Variants in NBEAL2 observed in about 807,000 individuals in gnomAD.
NBEAL2 encodes the protein neurobeachin-like protein 2.
NBEAL2 carries 160 observed loss-of-function variants against 299.8 expected under a neutral mutation model. The observed-to-expected ratio is 0.53, with a 90% CI of 0.47 to 0.61. The LOEUF (loss-of-function observed/expected upper bound fraction) is 0.61. NBEAL2 is among the 20% of genes least tolerant of loss of function. The probability of loss-of-function intolerance (pLI) is 0.00; values close to 1 mark genes in which losing one functional copy is unlikely to be tolerated. For missense variants in NBEAL2, 3,112 were observed against 3,649.0 expected, an observed-to-expected ratio of 0.85 and a Z score of 3.79; for synonymous variants, 1,493 against 1,542.3, an observed-to-expected ratio of 0.97 and a Z score of 0.75.
rs777984719 is a variant in NBEAL2 at position 47,003,799 on chromosome 3, G to A, written c.5721-17G>A. ...GGTCCCAGAGCCTACAGCGTGAGGT[G>A]GGTTGCTGGTCTTTAGGATGGAGGC... On this transcript the variant is annotated splice_polypyrimidine_tract_variant and intron_variant, in intron 35 of 53. Transcript: ENST00000450053. This position sits in a 1 kb window ranked among gnomAD's most constrained non-coding sequence, Gnocchi z 7.0. The A allele has an allele frequency of 3.2e-6, 5 of 1,581,104 alleles. No homozygotes were observed. In the Admixed American group the frequency reaches 7.3e-5, roughly 23 times the overall value.
Position 46,989,440 on chromosome 3 carries a change from T to A in NBEAL2, c.473+59T>A. 1 of 1,564,276 alleles carries A rather than the reference T, an allele frequency of 6.4e-7. No individual in the cohort carries two copies. The highest frequency in any genetic ancestry group is 8.7e-7 in the Non-Finnish European group (1 of 1,154,600). On this transcript the variant is annotated intron_variant, in intron 5 of 53. Coordinates refer to ENST00000450053, the MANE Select transcript of NBEAL2 (RefSeq NM_015175.3). The surrounding 1 kb of genome is among the most constrained non-coding windows in gnomAD (Gnocchi z 5.5). ...GAGGGTGGGGAGAGGATGGCCGCGC[T>A]GGGCCCAAGGAGGGGTGACGGCCAG...
chr3:46,995,524 C>A lies in NBEAL2; in HGVS notation c.1789C>A (p.Arg597=), dbSNP rs1172581672. 1 of 1,612,860 alleles carries A rather than the reference C, an allele frequency of 6.2e-7. No homozygotes were observed. Among genetic ancestry groups the A allele is most frequent in the East Asian group, 2.2e-5 (1 of 44,888 alleles). Residue 597 remains arginine (R), a synonymous_variant, in exon 13 of 54, where the codon CGA becomes AGA. Coordinates refer to ENST00000450053, the MANE Select transcript of NBEAL2 (RefSeq NM_015175.3). ...MAGIMVPPVQ[R]WPGPGFTFHA... ...GGGCATCATGGTACCCCCTGTACAG[C>A]GATGGCCAGGGCCTGGCTTCACCTT... is the stretch of plus-strand genomic sequence containing the variant.
intron 51 of NBEAL2, 31 bp downstream of exon 51, chr3:47,008,472 A>C: frequency 6.2e-7 from 1 of 1,609,772 alleles, no homozygotes; most frequent in South Asian, 1.1e-5. Flanking sequence ...GCAAAGATGG[A>C]GGGGCAGTTG....
Position 46,993,927 on chromosome 3 carries a change from C to A in NBEAL2, c.1114-10C>A, listed in dbSNP as rs763722344. The A allele has an allele frequency of 1.2e-6, 2 of 1,606,740 alleles. No homozygotes were observed. The highest frequency in any genetic ancestry group is 2.2e-5 in the East Asian group (1 of 44,518). ...CCCTGCCTCTCCTGATGGCCCCTCC[C>A]CACCCCAAGGTCCTGGACCAAGACA... On this transcript the variant is annotated splice_polypyrimidine_tract_variant and intron_variant, in intron 10 of 53. Transcript: ENST00000450053.
intron 49 of NBEAL2, 36 bp from the exon 50 acceptor site, chr3:47,008,034 A>G: frequency 6.2e-7 from 1 of 1,606,374 alleles, no homozygotes; most frequent in East Asian, 2.2e-5. Context: ...CCTGAGCCTC[A>G]GGGGACAGTC....
rs1328805251 is a variant in NBEAL2 at position 46,983,868 on chromosome 3, A to G, written c.51+3956A>G. Among the ~76,000 whole-genome samples, 8 of 152,196 alleles carry G rather than the reference A, an allele frequency of 5.3e-5. No individual in the cohort carries two copies. The South Asian group carries it at 1.0e-3, about 20-fold the overall frequency. On this transcript the variant is annotated intron_variant, in intron 1 of 53. Transcript: ENST00000450053. Reference sequence around the variant, plus strand: ...AACAGGGTCAGTTACCATGGGGTCTATGGGGACCCTAGAAGGAAATTCCCA... The same window carrying G: ...AACAGGGTCAGTTACCATGGGGTCTGTGGGGACCCTAGAAGGAAATTCCCA...
chr3:47,008,676 C>G lies in NBEAL2; in HGVS notation c.8027+8C>G. 6.2e-7 allele frequency: 1 copy of G among 1,612,992 alleles called. No homozygotes were observed. The highest frequency in any genetic ancestry group is 1.1e-5 in the South Asian group (1 of 91,072). On this transcript the variant is annotated splice_region_variant and intron_variant, in intron 52 of 53. Transcript: ENST00000450053. ...CATCCTCCAACTAAACACGTAAGCCCCCCATTTATGGGTTCATGGCCCCTG... is the reference window on the plus strand; with the variant it reads ...CATCCTCCAACTAAACACGTAAGCCGCCCATTTATGGGTTCATGGCCCCTG...
chr3:46,985,380 C>T (rs2035611486), intron 1 of NBEAL2, among the ~76,000 whole-genome samples: 1 of 152,162 alleles, frequency 6.6e-6, no homozygotes, highest in African/African-American at 2.4e-5. Context: ...TCAGGCAGCT[C>T]AATGATCCCT....
Position 47,000,541 on chromosome 3 carries a change from G to A in NBEAL2, c.4305+137G>A. On this transcript the variant is annotated intron_variant, in intron 27 of 53. Transcript: ENST00000450053. This position sits in a 1 kb window ranked among gnomAD's most constrained non-coding sequence, Gnocchi z 4.5. ...GCAGCCACTGGTCAGGCCTATTGCT[G>A]TCCCCTCATAGCTCTCATCTGCAGT... 7 of 1,132,502 alleles carry A rather than the reference G, an allele frequency of 6.2e-6. No individual in the cohort carries two copies. Among genetic ancestry groups the A allele is most frequent in the Non-Finnish European group, 8.7e-6 (7 of 806,340 alleles). The allele number at this position is 1,132,502 out of a possible 1,614,324, so 70.2% of individuals were successfully genotyped here.
intron 1 of NBEAL2, among the ~76,000 whole-genome samples, chr3:46,984,814 A>G (rs1243125979): frequency 6.6e-6 from 1 of 152,000 alleles, no homozygotes; most frequent in African/African-American, 2.4e-5. Flanking sequence ...TGTCACTCAC[A>G]GAGGGGGCTG....
rs779616822 is a variant in NBEAL2, at chr3:46,997,265, G to A, written c.2656G>A (p.Val886Met). 4 of 1,612,570 alleles carry A rather than the reference G, an allele frequency of 2.5e-6. No homozygotes were observed. Among genetic ancestry groups the A allele is most frequent in the African/African-American group, 2.7e-5 (2 of 74,916 alleles). The change falls in exon 19 of 54, where the codon GTG becomes ATG. Residue 886 changes from valine to methionine, a missense_variant. Val to Met is a conservative substitution (Grantham distance 21, BLOSUM62 1). This residue lies in a region of NBEAL2 where 2,243 missense variants were observed against 2,538.1 expected (regional missense o/e 0.88). Transcript: ENST00000450053. ...GCCATCCTCCTTCCCCCAGGATGTGGTGAACTGCGTTGGGGGTATGGGTGC... is the reference window on the plus strand; with the variant it reads ...GCCATCCTCCTTCCCCCAGGATGTGATGAACTGCGTTGGGGGTATGGGTGC... The part of the protein sequence containing the change: ...RVETWDVKDV[V>M]NCVGGMGALL...
rs377051387 is a variant in NBEAL2 at position 47,005,086 on chromosome 3, G to A, written c.6409G>A (p.Val2137Met). ...GGTGAACCCCAAGCATGCCCAGCTC[G>A]TGAGGGAGAAGTGAGCATGTGGGCA... is the stretch of plus-strand genomic sequence containing the variant. ...GVVNPKHAQL[V>M]REKYESFEDP... is the part of the protein sequence containing the mutation. The change falls in exon 39 of 54, where the codon GTG (valine) becomes ATG (methionine). Residue 2137 changes from valine (V) to methionine (M), a missense_variant. Physicochemically the swap from Val to Met is conservative, Grantham distance 21 (BLOSUM62 1). This residue lies in a region of NBEAL2 where 521 missense variants were observed against 729.6 expected (regional missense o/e 0.71). Coordinates refer to ENST00000450053, the MANE Select transcript of NBEAL2 (RefSeq NM_015175.3). 2.5e-5 allele frequency: 40 copies of A among 1,613,680 alleles called. No homozygotes were observed. Among genetic ancestry groups the A allele is most frequent in the East Asian group, 4.5e-5 (2 of 44,882 alleles).
rs1234204218 is a variant in NBEAL2 at position 47,004,794 on chromosome 3, C to T, written c.6295-178C>T. ...TTCCCCTCCCTGCCTAGCCTCTATT[C>T]CTCAAAAGGAATCCTGTTCCAGGAC... is the stretch of plus-strand genomic sequence containing the variant. On this transcript the variant is annotated intron_variant, in intron 38 of 53. Transcript: ENST00000450053. The surrounding 1 kb of genome is among the most constrained non-coding windows in gnomAD (Gnocchi z 5.0). 2.7e-6 allele frequency: 3 copies of T among 1,119,626 alleles called. No individual in the cohort carries two copies. The highest frequency in any genetic ancestry group is 3.8e-6 in the Non-Finnish European group (3 of 782,802). 69.4% of individuals were successfully genotyped at this position (1,119,626 alleles called of 1,614,324 possible).
chr3:46,987,379 C>G (rs1160030610), intron 1 of NBEAL2, among the ~76,000 whole-genome samples: 1 of 152,218 alleles, frequency 6.6e-6, no homozygotes, highest in Non-Finnish European at 1.5e-5. Flanking sequence ...CTCTCTGACT[C>G]TAGGAAAGAA....
At position 47,006,029 on chromosome 3, in the gene NBEAL2, G is replaced by A. The variant is rs1462319593; in HGVS notation, c.6885G>A (p.Glu2295=). 2 of 1,613,690 alleles carry A rather than the reference G, an allele frequency of 1.2e-6. No homozygotes were observed. The highest frequency in any genetic ancestry group is 2.7e-5 in the African/African-American group (2 of 74,940). ...AGCAGCGGGGGCCAGCCGCCGAGGA[G>A]GCCCTCAATGTCTTCTATTACTGCA... ...GYKQRGPAAE[E]ALNVFYYCTY... The change falls in exon 43 of 54, where the codon GAG becomes GAA. Residue 2295 remains glutamate, a synonymous_variant. Transcript: ENST00000450053.
At chr3:46,992,365 C>T (rs576747168) in intron 9 of NBEAL2, 110 bp from the exon 10 acceptor site, 12 of 1,022,378 alleles carry the variant, frequency 1.2e-5, no homozygotes, top group African/African-American at 3.2e-5. Flanking sequence ...TCCCTAGTGC[C>T]GGGCAGGGCA....
Position 47,000,646 on chromosome 3 carries a change from C to G in NBEAL2, c.4305+242C>G, listed in dbSNP as rs1410127965. Among the ~76,000 whole-genome samples the G allele has an allele frequency of 6.6e-6, 1 of 152,136 alleles. No individual in the cohort carries two copies. Among genetic ancestry groups the G allele is most frequent in the Non-Finnish European group, 1.5e-5 (1 of 68,018 alleles). On this transcript the variant is annotated intron_variant, in intron 27 of 53. Transcript: ENST00000450053. The surrounding 1 kb of genome is among the most constrained non-coding windows in gnomAD (Gnocchi z 4.5). ...GACACCAGCCAGGCTTCAGAAGGGCCCTCAAGAGAGCCTGTAGGGCAGACA... is the reference window on the plus strand; with the variant it reads ...GACACCAGCCAGGCTTCAGAAGGGCGCTCAAGAGAGCCTGTAGGGCAGACA...
chr3:46,989,265 A>G lies in NBEAL2; in HGVS notation c.357A>G (p.Lys119=), dbSNP rs968057456. The G allele has an allele frequency of 3.3e-5, 54 of 1,611,994 alleles. No individual in the cohort carries two copies. The highest frequency in any genetic ancestry group is 4.5e-5 in the Non-Finnish European group (53 of 1,179,044). The change falls in exon 5 of 54, where the codon AAA becomes AAG. Residue 119 remains lysine (K), a synonymous_variant. Coordinates refer to ENST00000450053, the MANE Select transcript of NBEAL2 (RefSeq NM_015175.3). The surrounding 1 kb of genome is among the most constrained non-coding windows in gnomAD (Gnocchi z 5.5). ...CTCTCTCCCCACACCTACAGCTGAA[A>G]GGATGCCCACCACCCCAGGGCCGAG... is the stretch of plus-strand genomic sequence containing the variant. ...ALLTKLVAEL[K]GCPPPQGRGT...
intron 11 of NBEAL2, among the ~76,000 whole-genome samples, chr3:46,994,235 G>A (rs2036308333): frequency 6.6e-6 from 1 of 152,144 alleles, no homozygotes; most frequent in South Asian, 2.1e-4. Context: ...GCTGGATGGG[G>A]AATGGACACT....
Sources: gnomAD v4.1 joint callset for allele counts (sites outside exome capture counted in the v4.1 genomes callset) on GRCh38, gnomAD v4.1.1 for gene constraint, gnomAD v4.1.1 regional missense constraint, Gnocchi (gnomAD v3.1) non-coding constraint, MANE v1.5 for transcripts, NCBI Gene and HGNC (gene_info 2026-07-23, HGNC 2026-07-21) for gene names.